The following ABTB2 variants were observed in gnomAD, a reference collection of about 807,000 sequenced individuals.
The protein encoded by ABTB2 is ankyrin repeat and BTB domain containing 2.
A neutral mutation model predicts 104.1 loss-of-function variants in ABTB2; 56 were observed. The ratio of observed to expected loss-of-function variants is 0.54; its 90% CI spans 0.43 to 0.67. The LOEUF (loss-of-function observed/expected upper bound fraction) is 0.67, where lower values mean the gene tolerates loss of function less well. Among genes scored for constraint, ABTB2 ranks in the 30% least tolerant of loss-of-function variants. ABTB2 has a pLI of 0.00. For missense variants in ABTB2, 1,279 were observed against 1,407.7 expected (o/e 0.91, Z 1.46); for synonymous variants, 606 against 608.2 (o/e 1.00, Z 0.05).
chr11:34,261,632 G>C (rs12294789), intron 1 of ABTB2, among the ~76,000 whole-genome samples: 2 of 152,108 alleles, frequency 1.3e-5, no homozygotes, highest in Non-Finnish European at 1.5e-5. Context: ...CAGAAGGGAA[G>C]AGGCCTTAAG....
chr11:34,243,354 C>G (rs1853945300), intron 1 of ABTB2, among the ~76,000 whole-genome samples: 1 of 152,136 alleles, frequency 6.6e-6, no homozygotes, highest in East Asian at 1.9e-4. Context: ...CTCACTTGAA[C>G]TCCGCCTCCT....
At chr11:34,338,862 C>T (rs1182296207) in intron 1 of ABTB2, among the ~76,000 whole-genome samples, 1 of 152,122 alleles carries the variant, frequency 6.6e-6, no homozygotes, top group Non-Finnish European at 1.5e-5. Context: ...AGGAAAAAAG[C>T]AGAACCTAAG....
intron 1 of ABTB2, among the ~76,000 whole-genome samples, chr11:34,212,776 C>T (rs1853497497): frequency 6.6e-6 from 1 of 152,230 alleles, no homozygotes; most frequent in African/African-American, 2.4e-5. Context: ...CTTAACACTT[C>T]ATTCTGGCTA....
chr11:34,155,282 A>G (rs138085805), intron 14 of ABTB2, among the ~76,000 whole-genome samples: 4 of 152,168 alleles, frequency 2.6e-5, no homozygotes, highest in East Asian at 3.9e-4. Flanking sequence ...AAGGACTCCA[A>G]TGTGGAGGTG....
chr11:34,163,316 T>C (rs1852750275), intron 9 of ABTB2, among the ~76,000 whole-genome samples: 1 of 152,216 alleles, frequency 6.6e-6, no homozygotes, highest in Admixed American at 6.5e-5. Context: ...GGTCCCTTCA[T>C]GTTGATAAGG....
At chr11:34,280,658 AC>A (rs1347046107) in intron 1 of ABTB2, among the ~76,000 whole-genome samples, 2 of 151,816 alleles carry the variant, frequency 1.3e-5, no homozygotes, top group Admixed American at 6.6e-5. Flanking sequence ...CAATCTCAAC[AC>A]CCACCATCTG....
In ABTB2 at chr11:34,316,673, C is replaced by G. The variant is rs991237855; in HGVS notation, c.883+40028G>C. Among the ~76,000 whole-genome samples, 3 of 152,114 alleles carry G rather than the reference C, an allele frequency of 2.0e-5. No homozygotes were observed. In the East Asian group the frequency reaches 5.8e-4, roughly 29 times the overall value. On this transcript the variant is annotated intron_variant, in intron 1 of 16. Transcript: ENST00000435224. ...GCCCAGCTTTAAGATAATCCATGAG[C>G]CCCAGAATATGTTTTTAAAAAAAAA...
At chr11:34,194,819 G>C (rs1414816037) in intron 3 of ABTB2, among the ~76,000 whole-genome samples, 1 of 150,538 alleles carries the variant, frequency 6.6e-6, no homozygotes, top group East Asian at 1.9e-4. Context: ...TTCCCCATGT[G>C]TCTGATATTC....
In ABTB2 at chr11:34,152,491, T is replaced by C; in HGVS notation, c.2974A>G (p.Ile992Val). 1 of 1,609,558 alleles carries C rather than the reference T, an allele frequency of 6.2e-7. No individual in the cohort carries two copies. The highest frequency in any genetic ancestry group is 8.5e-7 in the Non-Finnish European group (1 of 1,178,830). ...TGCACTTTGCTGCTGCGGCCGTAGA[T>C]GAGCTGCCGGAAGGCATCCTGCTCC... is the stretch of plus-strand genomic sequence containing the variant. ...LLEQDAFRQL[I>V]YGRSSKVQGL... The change falls in exon 17 of 17, where the codon ATC becomes GTC. Residue 992 changes from isoleucine to valine, a missense_variant. Ile to Val is a conservative substitution (Grantham distance 29, BLOSUM62 3). Transcript: ENST00000435224.
intron 1 of ABTB2, among the ~76,000 whole-genome samples, chr11:34,353,522 C>T (rs796088731): frequency 1.8e-4 from 28 of 152,346 alleles, no homozygotes; most frequent in African/African-American, 6.7e-4. Context: ...CATTTAATGG[C>T]CTTGCCATGG....
At chr11:34,247,174 C>T (rs959676619) in intron 1 of ABTB2, among the ~76,000 whole-genome samples, 4 of 152,182 alleles carry the variant, frequency 2.6e-5, no homozygotes, top group Non-Finnish European at 5.9e-5. Flanking sequence ...TTAAGCTGGG[C>T]CAAGGCCTCT....
chr11:34,354,972 T>G (rs1855448662), intron 1 of ABTB2, among the ~76,000 whole-genome samples: 1 of 152,186 alleles, frequency 6.6e-6, no homozygotes, highest in Non-Finnish European at 1.5e-5. Context: ...TTCCCAGTGT[T>G]GATGCCACAA....
chr11:34,289,245 A>G (rs1379904653), intron 1 of ABTB2, among the ~76,000 whole-genome samples: 4 of 152,186 alleles, frequency 2.6e-5, no homozygotes, highest in African/African-American at 9.7e-5. Flanking sequence ...CTTGGTCCAT[A>G]TTTAGAATCT....
At chr11:34,153,763 G>A (rs533533227) in intron 16 of ABTB2, among the ~76,000 whole-genome samples, 1 of 152,300 alleles carries the variant, frequency 6.6e-6, no homozygotes, top group South Asian at 2.1e-4. Flanking sequence ...CAAGGCGAGG[G>A]CAGTGGAGAT....
At chr11:34,285,819 T>G (rs1469225538) in intron 1 of ABTB2, among the ~76,000 whole-genome samples, 1 of 152,164 alleles carries the variant, frequency 6.6e-6, no homozygotes, top group Non-Finnish European at 1.5e-5. Context: ...CTTCTTTTAC[T>G]CCGTTGTTTC....
At chr11:34,346,496 C>G (rs1280692005) in intron 1 of ABTB2, among the ~76,000 whole-genome samples, 1 of 152,146 alleles carries the variant, frequency 6.6e-6, no homozygotes, top group Non-Finnish European at 1.5e-5. Context: ...GTACAGTAAT[C>G]ACAATTAATC....
chr11:34,322,659 T>C (rs897783895), intron 1 of ABTB2, among the ~76,000 whole-genome samples: 7 of 152,136 alleles, frequency 4.6e-5, no homozygotes, highest in Non-Finnish European at 8.8e-5. Flanking sequence ...TTGTGAGAAT[T>C]AAATGCAAGA....
At chr11:34,265,574 C>T (rs1422694153) in intron 1 of ABTB2, among the ~76,000 whole-genome samples, 2 of 147,646 alleles carry the variant, frequency 1.4e-5, no homozygotes, top group Non-Finnish European at 3.0e-5. Flanking sequence ...ACGAGAATCG[C>T]TTGAACCCGG....
intron 1 of ABTB2, among the ~76,000 whole-genome samples, chr11:34,277,867 C>T (rs541718536): frequency 7.0e-6 from 1 of 143,506 alleles, no homozygotes; most frequent in Non-Finnish European, 1.5e-5. Flanking sequence ...TACAATGGCA[C>T]AGCCTCAGCT....
Sources: allele counts gnomAD v4.1 joint callset (sites outside exome capture counted in the v4.1 genomes callset), GRCh38; gene constraint gnomAD v4.1.1; transcripts MANE v1.5; gene names NCBI Gene and HGNC (gene_info 2026-07-23, HGNC 2026-07-21).